Variants in ROBO3 observed in about 807,000 individuals in gnomAD.
ROBO3 encodes the protein roundabout homolog 3.
Under a neutral mutation model 160.5 loss-of-function variants are expected in ROBO3, and 97 were observed. That is an observed-to-expected ratio of 0.60 (90% CI 0.51 to 0.72). The LOEUF (loss-of-function observed/expected upper bound fraction) is 0.72. Ranked by LOEUF, ROBO3 falls within the 30% of genes least tolerant of loss-of-function variation. The pLI is 0.00. For synonymous variants in ROBO3, 780 were observed against 746.2 expected (o/e 1.05, Z -0.74); for missense variants, 1,858 against 1,846.5 (o/e 1.01, Z -0.11).
rs1946502892 is a variant in ROBO3 at position 124,879,499 on chromosome 11, C to T, written c.3720C>T (p.Pro1240=). Reference sequence around the variant, plus strand: ...GGCAGGGGAATGGGGAGATGACTCCCCCACTTCAAGGACCCCGTGCTCGAT... The same window carrying T: ...GGCAGGGGAATGGGGAGATGACTCCTCCACTTCAAGGACCCCGTGCTCGAT... ...RTWQGNGEMT[P]PLQGPRARFR... is the part of the protein sequence containing the mutation. The change falls in exon 25 of 28, where the codon CCC becomes CCT. Residue 1240 remains proline (P), a synonymous_variant. Coordinates refer to ENST00000397801, the MANE Select transcript of ROBO3 (RefSeq NM_022370.4). The T allele has an allele frequency of 1.2e-6, 2 of 1,613,754 alleles. 1 individual carries two copies. The highest frequency in any genetic ancestry group is 3.3e-5 in the Admixed American group (2 of 60,004).
In ROBO3 at chr11:124,875,650, C is replaced by T; in HGVS notation, c.2386C>T (p.Pro796Ser). The T allele has an allele frequency of 3.7e-6, 6 of 1,609,904 alleles. No individual in the cohort carries two copies. The highest frequency in any genetic ancestry group is 2.5e-6 in the Non-Finnish European group (3 of 1,178,228). ...CACTGTGTCCTGGGAACCTCCACTC[C>T]CCTCCCAGCAAAATGGGGTCATCAC... Reference protein sequence around the residue: ...SITVSWEPPLPSQQNGVITEY... With the variant: ...SITVSWEPPLSSQQNGVITEY... Residue 796 changes from proline to serine, a missense_variant, in exon 15 of 28, where the codon CCC (proline) becomes TCC (serine). By Grantham distance (74) the Pro-to-Ser change is moderately conservative. Coordinates refer to ENST00000397801, the MANE Select transcript of ROBO3 (RefSeq NM_022370.4).
In ROBO3 at chr11:124,876,517, GAGGGGC is replaced by G; in HGVS notation, c.2779+64_2779+69del. On this transcript the variant is annotated intron_variant, in intron 17 of 27. Coordinates refer to ENST00000397801, the MANE Select transcript of ROBO3 (RefSeq NM_022370.4). The surrounding 1 kb of genome is among the most constrained non-coding windows in gnomAD (Gnocchi z 5.3). ...GGGAGGGAGCCAGGCGGCCCATGGGGAGGGGCAGGGGCTTAGCCGCTGGCGAGTGAG... is the reference window on the plus strand; with the variant it reads ...GGGAGGGAGCCAGGCGGCCCATGGGGAGGGGCTTAGCCGCTGGCGAGTGAG... 1 of 1,320,148 alleles carries G rather than the reference GAGGGGC, an allele frequency of 7.6e-7. No individual in the cohort carries two copies. Among genetic ancestry groups the G allele is most frequent in the African/African-American group, 1.5e-5 (1 of 64,672 alleles). The allele number at this position is 1,320,148 out of a possible 1,614,324, so 81.8% of individuals were successfully genotyped here. A position where few individuals can be genotyped will look rare whatever the true frequency, so the allele number is the denominator to read the frequency against.
chr11:124,876,288 C>T lies in ROBO3; in HGVS notation c.2607C>T (p.Asp869=). 6.8e-7 allele frequency: 1 copy of T among 1,463,834 alleles called. No homozygotes were observed. The highest frequency in any genetic ancestry group is 8.9e-7 in the Non-Finnish European group (1 of 1,120,448). 90.7% of individuals were successfully genotyped at this position (1,463,834 alleles called of 1,614,324 possible). A position where few individuals can be genotyped will look rare whatever the true frequency, so the allele number is the denominator to read the frequency against. ...PVLVQLPSPP[D]LEPGLEVGAG... ...TGACCCCCACAGCGTCCCCGCCGGA[C>T]CTGGAGCCCGGGCTGGAGGTGGGCG... Residue 869 remains aspartate, a synonymous_variant, in exon 17 of 28, where the codon GAC becomes GAT. Transcript: ENST00000397801. The surrounding 1 kb of genome is among the most constrained non-coding windows in gnomAD (Gnocchi z 5.3).
At position 124,868,857 on chromosome 11, in the gene ROBO3, TCTG is replaced by T. The variant is rs1946239561; in HGVS notation, c.220_222del (p.Leu74del). 6.2e-7 allele frequency: 1 copy of T among 1,609,558 alleles called. No homozygotes were observed. The highest frequency in any genetic ancestry group is 1.1e-5 in the South Asian group (1 of 90,182). ...CCCGCATCGTGGAGCAGCCGCCAGA[TCTG>T]CTGGTCTCCCGAGGCGAGCCCGCCA... is the stretch of plus-strand genomic sequence containing the variant. On this transcript the variant is annotated inframe_deletion, in exon 2 of 28. Transcript: ENST00000397801.
At position 124,873,243 on chromosome 11, in the gene ROBO3, C is replaced by A; in HGVS notation, c.1537-67C>A. On this transcript the variant is annotated intron_variant, in intron 9 of 27. Transcript: ENST00000397801. This position sits in a 1 kb window ranked among gnomAD's most constrained non-coding sequence, Gnocchi z 4.5. ...CAACATCTTCCCATCCTTCTGCTAC[C>A]CGCCTCCACCCCCTCACTGGATCTT... 6.8e-7 allele frequency: 1 copy of A among 1,477,738 alleles called. No individual in the cohort carries two copies. Among genetic ancestry groups the A allele is most frequent in the Non-Finnish European group, 9.3e-7 (1 of 1,076,676 alleles). The allele number at this position is 1,477,738 out of a possible 1,614,324, so 91.5% of individuals were successfully genotyped here. A position where few individuals can be genotyped will look rare whatever the true frequency, so the allele number is the denominator to read the frequency against.
Position 124,872,178 on chromosome 11 carries a change from AG to A in ROBO3, c.1159-202del, listed in dbSNP as rs1391643164. On this transcript the variant is annotated intron_variant, in intron 7 of 27. Coordinates refer to ENST00000397801, the MANE Select transcript of ROBO3 (RefSeq NM_022370.4). This position sits in a 1 kb window ranked among gnomAD's most constrained non-coding sequence, Gnocchi z 4.3. ...CTAGTAAGTCACGGAGCTGGGAAGT[AG>A]ACTCTGAAATTGTCTAATAAAATTC... Among the ~76,000 whole-genome samples, 3 of 152,260 alleles carry A rather than the reference AG, an allele frequency of 2.0e-5. No individual in the cohort carries two copies. Among genetic ancestry groups the A allele is most frequent in the Non-Finnish European group, 4.4e-5 (3 of 68,034 alleles).
chr11:124,865,819 T>TC lies in ROBO3; in HGVS notation c.160+84dup. On this transcript the variant is annotated intron_variant, in intron 1 of 27. Coordinates refer to ENST00000397801, the MANE Select transcript of ROBO3 (RefSeq NM_022370.4). The surrounding 1 kb of genome is among the most constrained non-coding windows in gnomAD (Gnocchi z 5.5). The stretch of plus-strand genomic sequence containing the variant: ...CGGCGTGGAAGGGAAGGAGAAGCGC[T>TC]CCTGTCCCGAGGTCCGGGATTGAGT... 1 of 1,434,792 alleles carries TC rather than the reference T, an allele frequency of 7.0e-7. No individual in the cohort carries two copies. Among genetic ancestry groups the TC allele is most frequent in the Non-Finnish European group, 9.3e-7 (1 of 1,073,390 alleles). The allele number at this position is 1,434,792 out of a possible 1,614,324, so 88.9% of individuals were successfully genotyped here.
Position 124,880,557 on chromosome 11 carries a change from TCGGAGTCAGAGCCGGAGC to T in ROBO3, c.4100_4117del (p.Arg1367_Ser1372del). On this transcript the variant is annotated inframe_deletion, in exon 27 of 28. Coordinates refer to ENST00000397801, the MANE Select transcript of ROBO3 (RefSeq NM_022370.4). ...CCCGGGGCCCTGGCCGGAGCCGGAG[TCGGAGTCAGAGCCGGAGC>T]CAGAGCCAAAGGCCAGGACAGAAAC... is the stretch of plus-strand genomic sequence containing the variant. 1 of 800,134 alleles carries T rather than the reference TCGGAGTCAGAGCCGGAGC, an allele frequency of 1.2e-6. No individual in the cohort carries two copies. The highest frequency in any genetic ancestry group is 1.6e-6 in the Non-Finnish European group (1 of 636,032). 49.6% of individuals were successfully genotyped at this position (800,134 alleles called of 1,614,324 possible). A position where few individuals can be genotyped will look rare whatever the true frequency, so the allele number is the denominator to read the frequency against.
chr11:124,876,147 G>T lies in ROBO3; in HGVS notation c.2593+22G>T, dbSNP rs759277626. ...CTGCGTGAGTCCACCCGAGGGCAGT[G>T]CTGAGGATCTTGACGGGGGCGGGGC... On this transcript the variant is annotated intron_variant, in intron 16 of 27. Transcript: ENST00000397801. The surrounding 1 kb of genome is among the most constrained non-coding windows in gnomAD (Gnocchi z 5.3). 7 of 1,579,952 alleles carry T rather than the reference G, an allele frequency of 4.4e-6. No homozygotes were observed. The highest frequency in any genetic ancestry group is 6.0e-6 in the Non-Finnish European group (7 of 1,166,592).
Position 124,873,995 on chromosome 11 carries a change from G to C in ROBO3, c.1785-75G>C. On this transcript the variant is annotated intron_variant, in intron 11 of 27. Coordinates refer to ENST00000397801, the MANE Select transcript of ROBO3 (RefSeq NM_022370.4). This position sits in a 1 kb window ranked among gnomAD's most constrained non-coding sequence, Gnocchi z 4.5. ...GGGGAAGACATAATGGTCGTTCATA[G>C]AGAGTGGATGAGATGGAGTAGGCAG... The C allele has an allele frequency of 6.3e-7, 1 of 1,594,672 alleles. No homozygotes were observed. The highest frequency in any genetic ancestry group is 8.6e-7 in the Non-Finnish European group (1 of 1,165,474).
Position 124,878,691 on chromosome 11 carries a change from C to T in ROBO3, c.3428C>T (p.Ser1143Phe). The T allele has an allele frequency of 6.2e-7, 1 of 1,613,860 alleles. No individual in the cohort carries two copies. The highest frequency in any genetic ancestry group is 2.2e-5 in the East Asian group (1 of 44,872). ...ACCCCATCCCGAAGGGAAACCCCCTCTCCCACACCTTCCTATGGACAGCAG... is the reference window on the plus strand; with the variant it reads ...ACCCCATCCCGAAGGGAAACCCCCTTTCCCACACCTTCCTATGGACAGCAG... ...LVTPSRRETP[S>F]PTPSYGQQST... is the part of the protein sequence containing the mutation. The change falls in exon 23 of 28, where the codon TCT becomes TTT. Residue 1143 changes from serine to phenylalanine, a missense_variant. Transcript: ENST00000397801. The surrounding 1 kb of genome is among the most constrained non-coding windows in gnomAD (Gnocchi z 4.3).
rs933818146 is a variant in ROBO3 at position 124,876,626 on chromosome 11, A to G, written c.2779+166A>G. 1.8e-6 allele frequency: 1 copy of G among 550,662 alleles called. No homozygotes were observed. Among genetic ancestry groups the G allele is most frequent in the Non-Finnish European group, 2.9e-6 (1 of 343,696 alleles). The allele number at this position is 550,662 out of a possible 1,614,324, so 34.1% of individuals were successfully genotyped here. A position where few individuals can be genotyped will look rare whatever the true frequency, so the allele number is the denominator to read the frequency against. On this transcript the variant is annotated intron_variant, in intron 17 of 27. Coordinates refer to ENST00000397801, the MANE Select transcript of ROBO3 (RefSeq NM_022370.4). This position sits in a 1 kb window ranked among gnomAD's most constrained non-coding sequence, Gnocchi z 5.3. The stretch of plus-strand genomic sequence containing the variant: ...GCGGGATACGTGGGGCGACTCGAGG[A>G]GCTGCCAGGACTAGGGAGGGCTGCG...
At position 124,878,493 on chromosome 11, in the gene ROBO3, G is replaced by T; in HGVS notation, c.3320+57G>T. On this transcript the variant is annotated intron_variant, in intron 22 of 27. Transcript: ENST00000397801. This position sits in a 1 kb window ranked among gnomAD's most constrained non-coding sequence, Gnocchi z 4.3. ...ACCTGCGGCCAGACCATGGGCTGCT[G>T]GGGAGGAAGGGGAGGGGGCAGCAGG... The T allele has an allele frequency of 6.2e-7, 1 of 1,602,080 alleles. No individual in the cohort carries two copies.
chr11:124,874,236 G>A lies in ROBO3; in HGVS notation c.1951G>A (p.Asp651Asn). ...SPVSEPVRTQ[D>N]SSPSRPVEDP... Reference sequence around the variant, plus strand: ...CGTCTCTGAGCCTGTCCGTACACAGGGTAAGGTCAGAGTCCCTGGGCTCAT... The same window carrying A: ...CGTCTCTGAGCCTGTCCGTACACAGAGTAAGGTCAGAGTCCCTGGGCTCAT... Residue 651 changes from aspartate (D) to asparagine (N), a missense_variant and splice_region_variant, in exon 12 of 28, where the codon GAT (aspartate) becomes AAT (asparagine). Transcript: ENST00000397801. The A allele has an allele frequency of 6.2e-7, 1 of 1,611,002 alleles. No individual in the cohort carries two copies. Among genetic ancestry groups the A allele is most frequent in the East Asian group, 2.2e-5 (1 of 44,824 alleles).
Position 124,874,053 on chromosome 11 carries a change from TCTC to T in ROBO3, c.1785-14_1785-12del. 3.7e-6 allele frequency: 6 copies of T among 1,613,704 alleles called. No individual in the cohort carries two copies. The highest frequency in any genetic ancestry group is 5.1e-6 in the Non-Finnish European group (6 of 1,179,814). On this transcript the variant is annotated splice_polypyrimidine_tract_variant and intron_variant, in intron 11 of 27. Coordinates refer to ENST00000397801, the MANE Select transcript of ROBO3 (RefSeq NM_022370.4). ...GTTCCTGGCTTAGACAACCCTGTCA[TCTC>T]CTTCTTGTTGTAGCCCAGCAGCTGG...
At position 124,879,296 on chromosome 11, in the gene ROBO3, C is replaced by A; in HGVS notation, c.3640C>A (p.His1214Asn). The change falls in exon 24 of 28, where the codon CAC becomes AAC. Residue 1214 changes from histidine (H) to asparagine (N), a missense_variant. Physicochemically the swap from His to Asn is moderately conservative, Grantham distance 68 (BLOSUM62 1). Transcript: ENST00000397801. ...GLGAGPAASP[H>N]LSPSPAPSTA... ...GGGTGCTGGCCCTGCAGCCTCACCC[C>A]ACCTCAGCCCCAGTCCTGCCCCTAG... The A allele has an allele frequency of 1.2e-6, 2 of 1,604,748 alleles. No individual in the cohort carries two copies. The highest frequency in any genetic ancestry group is 1.7e-6 in the Non-Finnish European group (2 of 1,176,236).
chr11:124,873,364 A>T lies in ROBO3; in HGVS notation c.1591A>T (p.Thr531Ser). 1 of 1,612,636 alleles carries T rather than the reference A, an allele frequency of 6.2e-7. No individual in the cohort carries two copies. Among genetic ancestry groups the T allele is most frequent in the Non-Finnish European group, 8.5e-7 (1 of 1,179,426 alleles). ...GGCCAAGAGTTCCACAGGGGAAGCCACATGGAGCGGCTGGCTTAAGATGCG... is the reference window on the plus strand; with the variant it reads ...GGCCAAGAGTTCCACAGGGGAAGCCTCATGGAGCGGCTGGCTTAAGATGCG... ...CVAKSSTGEA[T>S]WSGWLKMRED... The change falls in exon 10 of 28, where the codon ACA becomes TCA. Residue 531 changes from threonine to serine, a missense_variant. Thr to Ser is a moderately conservative substitution (Grantham distance 58). Transcript: ENST00000397801. The surrounding 1 kb of genome is among the most constrained non-coding windows in gnomAD (Gnocchi z 4.5).
intron 24 of ROBO3, 32 bp downstream of exon 24, chr11:124,879,373 G>A: frequency 6.2e-7 from 1 of 1,605,826 alleles, no homozygotes; most frequent in Non-Finnish European, 8.5e-7. Context: ...TTGCCCCCCG[G>A]CTCCCTCCAG....
chr11:124,880,346 G>C (rs1296203280), intron 26 of ROBO3, 72 bp from the exon 27 acceptor site: 2 of 1,580,508 alleles, frequency 1.3e-6, no homozygotes, highest in African/African-American at 1.3e-5. Flanking sequence ...CTGTGGTCAG[G>C]GTGGCAGGGT....
Sources: gnomAD v4.1 joint callset for allele counts (sites outside exome capture counted in the v4.1 genomes callset) on GRCh38, gnomAD v4.1.1 for gene constraint, Gnocchi (gnomAD v3.1) non-coding constraint, MANE v1.5 for transcripts, NCBI Gene and HGNC (gene_info 2026-07-23, HGNC 2026-07-21) for gene names.